PKIB: variants seen among roughly 807,000 people sequenced by gnomAD.
The protein encoded by PKIB is PKI-beta.
Under a neutral mutation model 4.5 loss-of-function variants are expected in PKIB, and 2 were observed. That is an observed-to-expected ratio of 0.44 (90% confidence interval 0.18 to 1.39). The LOEUF (loss-of-function observed/expected upper bound fraction) is 1.39. PKIB is among the 40% of genes most tolerant of loss of function. The pLI, the probability that PKIB is intolerant of heterozygous loss-of-function variation, is 0.27. For synonymous variants in PKIB, 38 were observed against 36.0 expected (o/e 1.06, Z -0.20); for missense variants, 94 against 92.6 (o/e 1.02, Z -0.06).
At chr6:122,501,490 C>T (rs903934122) in intron 2 of PKIB, among the ~76,000 whole-genome samples, 6 of 152,338 alleles carry the variant, frequency 3.9e-5, no homozygotes, top group South Asian at 2.1e-4. Flanking sequence ...TGTGCACCCT[C>T]AGGCCAACAC....
At chr6:122,550,927 A>G (rs1223746834) in intron 2 of PKIB, among the ~76,000 whole-genome samples, 1 of 152,182 alleles carries the variant, frequency 6.6e-6, no homozygotes, top group East Asian at 1.9e-4. Context: ...ATTGATTTCG[A>G]TGATGGAAAA....
chr6:122,506,507 T>C (rs1776401662), intron 2 of PKIB, among the ~76,000 whole-genome samples: 2 of 152,130 alleles, frequency 1.3e-5, no homozygotes, highest in African/African-American at 4.8e-5. Flanking sequence ...TGGCCCAAAT[T>C]ATGGGAAACT....
At chr6:122,722,715 C>T (rs1779791247) in intron 4 of PKIB, among the ~76,000 whole-genome samples, 1 of 152,154 alleles carries the variant, frequency 6.6e-6, no homozygotes, top group Admixed American at 6.5e-5. Flanking sequence ...TAGAAGGCAA[C>T]CAATTATGAT....
At chr6:122,704,847 G>A (rs1778992492) in intron 3 of PKIB, among the ~76,000 whole-genome samples, 1 of 152,030 alleles carries the variant, frequency 6.6e-6, no homozygotes, top group Admixed American at 6.6e-5. Flanking sequence ...AGGCCAAGGA[G>A]GGAGGATCAC....
intron 3 of PKIB, among the ~76,000 whole-genome samples, chr6:122,587,229 A>G (rs1259721001): frequency 6.6e-6 from 1 of 151,892 alleles, no homozygotes; most frequent in Non-Finnish European, 1.5e-5. Flanking sequence ...TCCTGTGTCC[A>G]TGTGTTCTCA....
intron 2 of PKIB, among the ~76,000 whole-genome samples, chr6:122,550,566 A>G (rs1166768329): frequency 6.6e-6 from 1 of 152,106 alleles, no homozygotes; most frequent in Non-Finnish European, 1.5e-5. Flanking sequence ...CAGTCTTTTG[A>G]TACCATTTTC....
intron 4 of PKIB, among the ~76,000 whole-genome samples, chr6:122,724,491 C>A (rs1779871834): frequency 6.6e-6 from 1 of 152,162 alleles, no homozygotes; most frequent in East Asian, 1.9e-4. Flanking sequence ...AAGCGTACTG[C>A]ATTTTCATTT....
chr6:122,665,161 C>CA (rs1328556419), intron 2 of PKIB, among the ~76,000 whole-genome samples: 20 of 151,468 alleles, frequency 1.3e-4, no homozygotes, highest in South Asian at 2.1e-4. Context: ...ACAGCAATGA[C>CA]AAAAAAAATA....
intron 2 of PKIB, among the ~76,000 whole-genome samples, chr6:122,500,896 G>T (rs1478969683): frequency 6.6e-6 from 1 of 152,152 alleles, no homozygotes; most frequent in African/African-American, 2.4e-5. Flanking sequence ...GAGAGAGAGA[G>T]CAAAGGTGGA....
At chr6:122,553,020 C>T (rs186253446) in intron 2 of PKIB, among the ~76,000 whole-genome samples, 2 of 152,168 alleles carry the variant, frequency 1.3e-5, no homozygotes, top group East Asian at 3.9e-4. Flanking sequence ...ATCCCTATCT[C>T]CTGTTATAGT....
At chr6:122,568,130 C>T (rs1174019042) in intron 2 of PKIB, among the ~76,000 whole-genome samples, 3 of 151,542 alleles carry the variant, frequency 2.0e-5, no homozygotes, top group Non-Finnish European at 4.4e-5. Flanking sequence ...TCACAAACAA[C>T]ATTGCATTTA....
At chr6:122,535,021 C>T (rs1446381142) in intron 2 of PKIB, among the ~76,000 whole-genome samples, 5 of 152,074 alleles carry the variant, frequency 3.3e-5, no homozygotes, top group African/African-American at 9.7e-5. Context: ...CAGTTCTGCT[C>T]TTAGTGAAAA....
intron 3 of PKIB, among the ~76,000 whole-genome samples, chr6:122,705,053 C>T (rs938270053): frequency 4.6e-5 from 7 of 152,070 alleles, no homozygotes; most frequent in African/African-American, 1.4e-4. Flanking sequence ...GAGACCTTGT[C>T]TAAAAATAAA....
intron 2 of PKIB, among the ~76,000 whole-genome samples, chr6:122,633,944 A>ATCTATCTATCTG (rs1336821421): frequency 2.6e-5 from 4 of 151,752 alleles, no homozygotes; most frequent in Admixed American, 6.6e-5. Context: ...CTATCTATCT[A>ATCTATCTATCTG]TCTATCTATC....
chr6:122,614,665 C>A (rs1210961780), intron 1 of PKIB, among the ~76,000 whole-genome samples: 1 of 152,056 alleles, frequency 6.6e-6, no homozygotes, highest in Admixed American at 6.5e-5. Context: ...CTCAAGCATG[C>A]TTATATTTTA....
intron 2 of PKIB, chr6:122,643,421 C>G (rs990096786): frequency 1.3e-5 from 2 of 152,116 alleles, no homozygotes; most frequent in African/African-American, 4.8e-5. Flanking sequence ...ACTCTATCAC[C>G]AATGTCACTA....
upstream of PKIB, among the ~76,000 whole-genome samples, chr6:122,606,571 C>CAAAAAAAAAAAAAA (rs10695767): frequency 1.7e-5 from 2 of 119,556 alleles, no homozygotes; most frequent in South Asian, 2.8e-4. Flanking sequence ...GACTCTGTCT[C>CAAAAAAAAAAAAAA]AAAAAAGAAA....
intron 2 of PKIB, among the ~76,000 whole-genome samples, chr6:122,501,089 C>T (rs1002922804): frequency 6.6e-6 from 1 of 152,106 alleles, no homozygotes; most frequent in Non-Finnish European, 1.5e-5. Flanking sequence ...ATCATTCTGC[C>T]CCCAGCTTCT....
At chr6:122,674,695 C>T (rs1777601832) in intron 2 of PKIB, among the ~76,000 whole-genome samples, 1 of 152,092 alleles carries the variant, frequency 6.6e-6, no homozygotes, top group Non-Finnish European at 1.5e-5. Context: ...CTACAAACTT[C>T]CAAAGGTGGT....
Sources: allele counts gnomAD v4.1 joint callset (sites outside exome capture counted in the v4.1 genomes callset), GRCh38; gene constraint gnomAD v4.1.1; transcripts MANE v1.5; gene names NCBI Gene and HGNC (gene_info 2026-07-23, HGNC 2026-07-21).